Variants in FRYL observed in about 807,000 individuals in gnomAD.
The protein encoded by FRYL is protein furry homolog-like.
A neutral mutation model predicts 351.2 loss-of-function variants in FRYL; 150 were observed. That is an observed-to-expected ratio of 0.43 (90% CI 0.37 to 0.49). The LOEUF (loss-of-function observed/expected upper bound fraction) is 0.49. Ranked by LOEUF, FRYL falls within the 20% of genes least tolerant of loss-of-function variation. The pLI, the probability that FRYL is intolerant of heterozygous loss-of-function variation, is 0.00. For synonymous variants in FRYL, 1,153 were observed against 1,257.1 expected (o/e 0.92, Z 1.75); for missense variants, 3,036 against 3,619.3 (o/e 0.84, Z 4.13).
chr4:48,667,313 T>C (rs755284702), intron 3 of FRYL, among the ~76,000 whole-genome samples: 7 of 152,026 alleles, frequency 4.6e-5, no homozygotes, highest in Non-Finnish European at 7.4e-5. Flanking sequence ...ACTTCAGAAC[T>C]GCAAATCAGG....
chr4:48,589,656 G>A, intron 18 of FRYL, 89 bp downstream of exon 18: 2 of 1,245,866 alleles, frequency 1.6e-6, no homozygotes, highest in East Asian at 4.7e-5. Context: ...GAACTCCAAA[G>A]ACCAAGTAAG....
chr4:48,765,676 C>T (rs1774875099), intron 1 of FRYL, among the ~76,000 whole-genome samples: 1 of 151,576 alleles, frequency 6.6e-6, no homozygotes, highest in South Asian at 2.1e-4. Flanking sequence ...AGTTTCTGCA[C>T]AACTAAGGAA....
At chr4:48,536,497 A>C (rs1376718567) in intron 47 of FRYL, among the ~76,000 whole-genome samples, 1 of 152,172 alleles carries the variant, frequency 6.6e-6, no homozygotes, top group East Asian at 1.9e-4. Context: ...GTTTGATACA[A>C]TATTAAAGAA....
intron 1 of FRYL, among the ~76,000 whole-genome samples, chr4:48,736,766 C>T (rs1479569954): frequency 7.2e-6 from 1 of 138,542 alleles, no homozygotes; most frequent in African/African-American, 2.6e-5. Context: ...AGGAGAATCG[C>T]TTGTACCTAG....
intron 56 of FRYL, among the ~76,000 whole-genome samples, chr4:48,514,449 T>C (rs533173032): frequency 4.2e-4 from 64 of 152,298 alleles, no homozygotes; most frequent in African/African-American, 1.4e-3. Context: ...TTATGATTAT[T>C]ATTCAAGTTA....
intron 35 of FRYL, among the ~76,000 whole-genome samples, chr4:48,553,800 C>T (rs779106440): frequency 6.6e-6 from 1 of 152,078 alleles, no homozygotes; most frequent in African/African-American, 2.4e-5. Context: ...TTCCGCCTTC[C>T]CCATTCCCTA....
chr4:48,610,753 TATAC>T (rs1747983365), intron 7 of FRYL, among the ~76,000 whole-genome samples: 1 of 146,576 alleles, frequency 6.8e-6, no homozygotes, highest in Admixed American at 6.9e-5. Context: ...ATATTGTATA[TATAC>T]ATATATTATA....
rs575188682 is a variant in FRYL at position 48,686,086 on chromosome 4, T to C, written c.-203-1291A>G. Among the ~76,000 whole-genome samples, 17 of 152,284 alleles carry C rather than the reference T, an allele frequency of 1.1e-4. No homozygotes were observed. The South Asian group carries it at 3.1e-3, about 28-fold the overall frequency. ...GCTAAAATAAGACAAATTTTAAATC[T>C]GGCATTGAAACTCAAATTAGCCTTA... On this transcript the variant is annotated intron_variant, in intron 2 of 63. Coordinates refer to ENST00000358350, the MANE Select transcript of FRYL (RefSeq NM_015030.2).
intron 33 of FRYL, among the ~76,000 whole-genome samples, chr4:48,559,379 G>A (rs556357310): frequency 6.7e-6 from 1 of 149,566 alleles, no homozygotes; most frequent in African/African-American, 2.5e-5. Flanking sequence ...GGCCCGAGAC[G>A]GTACCCTAGT....
At chr4:48,546,334 A>C (rs1185988849) in intron 41 of FRYL, 63 bp from the exon 42 acceptor site, 4 of 1,295,892 alleles carry the variant, frequency 3.1e-6, no homozygotes, top group Admixed American at 1.8e-5. Context: ...ATACCTATAG[A>C]ATTAAACTGT....
chr4:48,711,491 AG>A (rs1768023270), intron 1 of FRYL, among the ~76,000 whole-genome samples: 1 of 152,238 alleles, frequency 6.6e-6, no homozygotes, highest in Admixed American at 6.5e-5. Context: ...TCAAACTGCA[AG>A]GTGGCAGCGA....
In FRYL at chr4:48,542,018, A is replaced by C. The variant is rs368159034; in HGVS notation, c.5687+9T>G. On this transcript the variant is annotated intron_variant, in intron 45 of 63. Transcript: ENST00000358350. ...TCTCTATATTAGGTTGCCTGGTTTAAATTCTTACTGAGAAAGGGCAGAAAG... is the reference window on the plus strand; with the variant it reads ...TCTCTATATTAGGTTGCCTGGTTTACATTCTTACTGAGAAAGGGCAGAAAG... The C allele has an allele frequency of 2.0e-5, 32 of 1,600,342 alleles. No homozygotes were observed. Among genetic ancestry groups the C allele is most frequent in the Middle Eastern group, 1.7e-4 (1 of 6,056 alleles).
Position 48,582,378 on chromosome 4 carries a change from T to A in FRYL, c.1986+119A>T. ...TCAGTTTAAGGGATTAGGAACACAT[T>A]GAGAGTGAATAGAACTAATAATACT... On this transcript the variant is annotated intron_variant, in intron 20 of 63. Transcript: ENST00000358350. 3.0e-6 allele frequency: 2 copies of A among 677,832 alleles called. 1 individual carries two copies. The highest frequency in any genetic ancestry group is 3.8e-5 in the South Asian group (2 of 52,646). The allele number at this position is 677,832 out of a possible 1,614,324, so 42.0% of individuals were successfully genotyped here. A position where few individuals can be genotyped will look rare whatever the true frequency, so the allele number is the denominator to read the frequency against.
intron 3 of FRYL, among the ~76,000 whole-genome samples, chr4:48,658,058 C>T (rs1272062110): frequency 6.6e-6 from 1 of 152,046 alleles, no homozygotes; most frequent in African/African-American, 2.4e-5. Flanking sequence ...ACCATACATA[C>T]CAGGAAAAAT....
At chr4:48,743,938 T>A (rs1772392245) in intron 1 of FRYL, among the ~76,000 whole-genome samples, 1 of 3,422 alleles carries the variant, frequency 2.9e-4, no homozygotes, top group Admixed American at 7.0e-3. Context: ...CAACTCTCCC[T>A]TTCCCTGTCT....
intron 3 of FRYL, among the ~76,000 whole-genome samples, chr4:48,672,824 T>C (rs1762947887): frequency 6.6e-6 from 1 of 152,240 alleles, no homozygotes; most frequent in Non-Finnish European, 1.5e-5. Flanking sequence ...AAGACTTAAG[T>C]CACCCATTAT....
intron 3 of FRYL, among the ~76,000 whole-genome samples, chr4:48,681,946 CAA>C (rs1428557567): frequency 6.6e-6 from 1 of 152,112 alleles, no homozygotes; most frequent in Non-Finnish European, 1.5e-5. Flanking sequence ...AGAAGTATAA[CAA>C]GAGAGTACAA....
At chr4:48,579,710 T>C (rs1450661390) in intron 22 of FRYL, among the ~76,000 whole-genome samples, 1 of 152,188 alleles carries the variant, frequency 6.6e-6, no homozygotes, top group Non-Finnish European at 1.5e-5. Flanking sequence ...TAAACATTTA[T>C]GTTCAAAGAA....
At chr4:48,652,432 T>C (rs894038541) in intron 3 of FRYL, among the ~76,000 whole-genome samples, 15 of 152,344 alleles carry the variant, frequency 9.8e-5, no homozygotes, top group African/African-American at 3.4e-4. Context: ...GTCTCCCTTT[T>C]AACTAGTGAA....
Sources: gnomAD v4.1 joint callset for allele counts (sites outside exome capture counted in the v4.1 genomes callset) on GRCh38, gnomAD v4.1.1 for gene constraint, MANE v1.5 for transcripts, NCBI Gene and HGNC (gene_info 2026-07-23, HGNC 2026-07-21) for gene names.